Variants in SLC8A1 observed in about 807,000 individuals in gnomAD.
SLC8A1 encodes the protein sodium/calcium exchanger 1.
Under a neutral mutation model 68.3 loss-of-function variants are expected in SLC8A1, and 18 were observed. The ratio of observed to expected loss-of-function variants is 0.26; its 90% CI spans 0.18 to 0.39. The LOEUF is 0.39. Among genes scored for constraint, SLC8A1 ranks in the 10% least tolerant of loss-of-function variants. The pLI is 1.00. For synonymous variants in SLC8A1, 475 were observed against 415.5 expected (o/e 1.14, Z -1.74); for missense variants, 985 against 1,156.7 (o/e 0.85, Z 2.15).
At position 40,170,418 on chromosome 2, in the gene SLC8A1, A is replaced by T. The variant is rs1253659136; in HGVS notation, c.1930+4407T>A. On this transcript the variant is annotated intron_variant, in intron 4 of 7. Coordinates refer to ENST00000406785, the Ensembl canonical transcript of SLC8A1. ...TGATTTGCTATCAGAGCTTTGTGGA[A>T]TTAGTAAGCTAAACATCACACCCAG... 4 of 1,348,196 alleles carry T rather than the reference A, an allele frequency of 3.0e-6. No homozygotes were observed. In the African/African-American group the frequency reaches 5.8e-5, roughly 19 times the overall value. 83.5% of individuals were successfully genotyped at this position (1,348,196 alleles called of 1,614,324 possible). A position where few individuals can be genotyped will look rare whatever the true frequency, so the allele number is the denominator to read the frequency against.
chr2:40,444,017 C>T (rs1196702447), intron 1 of SLC8A1, among the ~76,000 whole-genome samples: 1 of 152,094 alleles, frequency 6.6e-6, no homozygotes, highest in African/African-American at 2.4e-5. Context: ...CCTTATAAAA[C>T]TACTTTGATT....
chr2:40,386,664 G>C (rs10169357), intron 2 of SLC8A1, among the ~76,000 whole-genome samples: 30,618 of 149,208 alleles, frequency 0.21, 6,276 homozygotes, highest in African/African-American at 0.51. Flanking sequence ...AAGTTTCCAA[G>C]TATATTATTA....
intron 1 of SLC8A1, among the ~76,000 whole-genome samples, chr2:40,464,995 G>A (rs1468993537): frequency 1.3e-5 from 2 of 152,176 alleles, no homozygotes; most frequent in Non-Finnish European, 2.9e-5. Flanking sequence ...ACCCCCAGCT[G>A]TGCCAGAACA....
At chr2:40,374,900 G>A (rs751373756) in intron 2 of SLC8A1, among the ~76,000 whole-genome samples, 9 of 151,996 alleles carry the variant, frequency 5.9e-5, no homozygotes, top group African/African-American at 1.4e-4. Context: ...AAAAGTACTC[G>A]TCAATATCCA....
At chr2:40,152,456 G>A (rs570510250) in intron 6 of SLC8A1, among the ~76,000 whole-genome samples, 63 of 152,284 alleles carry the variant, frequency 4.1e-4, no homozygotes, top group African/African-American at 1.4e-3. Context: ...CCAGGCTGGA[G>A]TGCAGTGGCA....
chr2:40,219,295 A>C (rs754192533), intron 2 of SLC8A1, among the ~76,000 whole-genome samples: 11 of 152,240 alleles, frequency 7.2e-5, no homozygotes, highest in Non-Finnish European at 1.3e-4. Flanking sequence ...ACATGGAATT[A>C]AAATTCAGAA....
At chr2:40,267,893 G>C (rs1328835421) in intron 2 of SLC8A1, among the ~76,000 whole-genome samples, 2 of 152,154 alleles carry the variant, frequency 1.3e-5, no homozygotes, top group Admixed American at 1.3e-4. Flanking sequence ...ATTTCCTTGA[G>C]TAGCTCCCTC....
At chr2:40,269,289 A>C (rs899674713) in intron 2 of SLC8A1, among the ~76,000 whole-genome samples, 2 of 152,128 alleles carry the variant, frequency 1.3e-5, no homozygotes, top group African/African-American at 4.8e-5. Flanking sequence ...TAGCATTCAA[A>C]CTCAGGTCTT....
intron 2 of SLC8A1, among the ~76,000 whole-genome samples, chr2:40,253,881 G>C (rs2063425560): frequency 7.1e-6 from 1 of 141,520 alleles, no homozygotes; most frequent in African/African-American, 2.7e-5. Flanking sequence ...GCAGGAGTGG[G>C]GGATAAAGAA....
At chr2:40,450,311 G>C (rs1054420507) in intron 1 of SLC8A1, among the ~76,000 whole-genome samples, 1 of 151,256 alleles carries the variant, frequency 6.6e-6, no homozygotes, top group African/African-American at 2.4e-5. Context: ...TTTCTGACTC[G>C]CTGCAGGAGT....
At chr2:40,418,381 GTTC>G (rs1559600542) in intron 2 of SLC8A1, among the ~76,000 whole-genome samples, 2 of 152,070 alleles carry the variant, frequency 1.3e-5, no homozygotes, top group Non-Finnish European at 2.9e-5. Flanking sequence ...CCCACAAAGG[GTTC>G]TTCTTTGCAT....
At chr2:40,346,047 T>TAAAAAAAAAAAAAAAAAAA (rs774555210) in intron 2 of SLC8A1, among the ~76,000 whole-genome samples, 6 of 41,698 alleles carry the variant, frequency 1.4e-4, no homozygotes, top group Non-Finnish European at 2.2e-4. Flanking sequence ...ACATTAACAG[T>TAAAAAAAAAAAAAAAAAAA]AAAAAAAAAA....
chr2:40,218,431 C>G lies in SLC8A1; in HGVS notation c.1809-40576G>C, dbSNP rs558774263. Reference sequence around the variant, plus strand: ...GATATGACCAAGTAGGTTAAAATTACCATTACATATTTGATTGGTACAAAA... The same window carrying G: ...GATATGACCAAGTAGGTTAAAATTAGCATTACATATTTGATTGGTACAAAA... On this transcript the variant is annotated intron_variant, in intron 2 of 7. Transcript: ENST00000406785. Among the ~76,000 whole-genome samples the G allele has an allele frequency of 4.6e-5, 7 of 152,212 alleles. No individual in the cohort carries two copies. In the South Asian group the frequency reaches 1.5e-3, roughly 32 times the overall value.
chr2:40,232,699 A>G (rs2059823898), intron 2 of SLC8A1, among the ~76,000 whole-genome samples: 1 of 123,008 alleles, frequency 8.1e-6, no homozygotes, highest in African/African-American at 3.0e-5. Context: ...TGCTGCACCC[A>G]CTAACTCGTC....
exon 8 of SLC8A1, chr2:40,104,107 C>G (rs1289783668): frequency 6.6e-6 from 1 of 152,184 alleles, no homozygotes; most frequent in African/African-American, 2.4e-5. Flanking sequence ...TTTGGGTCTT[C>G]TCTCTGGTGA....
intron 1 of SLC8A1, among the ~76,000 whole-genome samples, chr2:40,458,964 A>T (rs1018366362): frequency 6.6e-6 from 1 of 152,220 alleles, no homozygotes; most frequent in African/African-American, 2.4e-5. Context: ...TAGAACAGAG[A>T]AAAATAAAAC....
intron 1 of SLC8A1, among the ~76,000 whole-genome samples, chr2:40,498,230 G>T (rs566229446): frequency 6.6e-6 from 1 of 152,148 alleles, no homozygotes; most frequent in African/African-American, 2.4e-5. Flanking sequence ...GCATATATTG[G>T]TTGGACGGTG....
intron 6 of SLC8A1, among the ~76,000 whole-genome samples, chr2:40,148,122 T>G (rs444624): frequency 0.029 from 4,407 of 152,308 alleles, 247 homozygotes; most frequent in African/African-American, 0.1. Context: ...AAAGTGTAAT[T>G]GGGAAATGTC....
At chr2:40,306,505 G>C (rs1575240052) in intron 2 of SLC8A1, among the ~76,000 whole-genome samples, 2 of 152,032 alleles carry the variant, frequency 1.3e-5, no homozygotes, top group East Asian at 1.9e-4. Context: ...ACATGTACTT[G>C]GTAAATGTTA....
Sources: allele counts gnomAD v4.1 joint callset (sites outside exome capture counted in the v4.1 genomes callset), GRCh38; gene constraint gnomAD v4.1.1; transcripts MANE v1.5; gene names NCBI Gene and HGNC (gene_info 2026-07-23, HGNC 2026-07-21).